Variants in PARVA observed in about 807,000 individuals in gnomAD.
The protein encoded by PARVA is alpha-parvin.
In PARVA, 25 loss-of-function variants were observed where a neutral mutation model predicts 52.6. That is an observed-to-expected ratio of 0.48 (90% CI 0.35 to 0.66). The LOEUF (loss-of-function observed/expected upper bound fraction) is 0.66, where lower values mean the gene tolerates loss of function less well. Among genes scored for constraint, PARVA ranks in the 30% least tolerant of loss-of-function variants. The pLI is 0.01. For missense variants in PARVA, 373 were observed against 450.9 expected, an observed-to-expected ratio of 0.83 and a Z score of 1.56; for synonymous variants, 185 against 179.1, an observed-to-expected ratio of 1.03 and a Z score of -0.26.
chr11:12,481,615 T>C (rs932043432), intron 4 of PARVA, among the ~76,000 whole-genome samples: 2 of 152,212 alleles, frequency 1.3e-5, no homozygotes, highest in African/African-American at 2.4e-5. Flanking sequence ...ACTTGTTGTC[T>C]GCAGCATAAA....
chr11:12,411,373 T>C (rs1347887407), intron 1 of PARVA, among the ~76,000 whole-genome samples: 1 of 152,216 alleles, frequency 6.6e-6, no homozygotes, highest in Admixed American at 6.5e-5. Context: ...ACATTGTACA[T>C]TGGTATGGTA....
At chr11:12,414,455 A>G (rs1228782692) in intron 1 of PARVA, among the ~76,000 whole-genome samples, 1 of 152,208 alleles carries the variant, frequency 6.6e-6, no homozygotes, top group Non-Finnish European at 1.5e-5. Flanking sequence ...AAATTCTTTC[A>G]TCTTTCAGCG....
upstream of PARVA, chr11:12,377,561 C>G (rs1939410992): frequency 6.7e-7 from 1 of 1,487,168 alleles, no homozygotes; most frequent in Admixed American, 2.3e-5. Flanking sequence ...GTTTGGAAAG[C>G]CGCAGCCTCA....
intron 6 of PARVA, among the ~76,000 whole-genome samples, chr11:12,507,231 G>A (rs1042405574): frequency 3.9e-5 from 6 of 152,194 alleles, no homozygotes; most frequent in African/African-American, 1.4e-4. Flanking sequence ...GCTCAGATGA[G>A]CCACCCAAGT....
intron 1 of PARVA, among the ~76,000 whole-genome samples, chr11:12,417,792 C>T (rs553449055): frequency 9.2e-5 from 14 of 152,148 alleles, no homozygotes; most frequent in Non-Finnish European, 1.6e-4. Context: ...GTCCTCAGGG[C>T]CCCCCGGGTG....
intron 1 of PARVA, among the ~76,000 whole-genome samples, chr11:12,390,588 C>G (rs1190326998): frequency 6.6e-6 from 1 of 152,156 alleles, no homozygotes; most frequent in East Asian, 1.9e-4. Context: ...GCTGTAGTCT[C>G]TATGTGGAAT....
chr11:12,476,510 A>AT (rs1316685875), intron 3 of PARVA, among the ~76,000 whole-genome samples: 6 of 151,902 alleles, frequency 3.9e-5, no homozygotes. Flanking sequence ...AAAAAAAAAA[A>AT]GTCTCCTCAA....
intron 5 of PARVA, among the ~76,000 whole-genome samples, 154 bp from the exon 6 acceptor site, chr11:12,504,160 C>G (rs553046512): frequency 6.6e-6 from 1 of 152,308 alleles, no homozygotes; most frequent in South Asian, 2.1e-4. Context: ...CAGGCCCCAC[C>G]TCCAACACCG....
chr11:12,495,147 T>A (rs11022374), intron 4 of PARVA, among the ~76,000 whole-genome samples: 63,732 of 152,042 alleles, frequency 0.42, 13,981 homozygotes, highest in East Asian at 0.67. Context: ...ACATTTAGAT[T>A]TATTCTTGTT....
At chr11:12,423,182 ATTT>A (rs34667589) in intron 1 of PARVA, among the ~76,000 whole-genome samples, 8 of 132,908 alleles carry the variant, frequency 6.0e-5, no homozygotes, top group African/African-American at 8.5e-5. Context: ...CATTAAGGAG[ATTT>A]TTTTTTTTTT....
intron 1 of PARVA, among the ~76,000 whole-genome samples, chr11:12,434,722 A>T (rs562269632): frequency 6.6e-6 from 1 of 152,184 alleles, no homozygotes; most frequent in South Asian, 2.1e-4. Flanking sequence ...CAGCCTGGTT[A>T]TCTGTTGATT....
rs373012832 is a variant in PARVA, at chr11:12,448,224, T to C, written c.137-25521T>C. On this transcript the variant is annotated intron_variant, in intron 1 of 12. Coordinates refer to ENST00000334956, the MANE Select transcript of PARVA (RefSeq NM_018222.5). ...ATGGAATGAGGAAGGCGGGGGGTCATAGAGATCTGACCCTTCTGCCAGGCT... is the reference window on the plus strand; with the variant it reads ...ATGGAATGAGGAAGGCGGGGGGTCACAGAGATCTGACCCTTCTGCCAGGCT... Among the ~76,000 whole-genome samples, 23 of 152,288 alleles carry C rather than the reference T, an allele frequency of 1.5e-4. No individual in the cohort carries two copies. In the East Asian group the frequency reaches 4.4e-3, roughly 29 times the overall value.
chr11:12,475,211 G>C (rs1487554836), intron 3 of PARVA, among the ~76,000 whole-genome samples: 2 of 152,208 alleles, frequency 1.3e-5, no homozygotes, highest in Non-Finnish European at 2.9e-5. Flanking sequence ...CACCGCCAAA[G>C]CCTGGCTAAT....
intron 1 of PARVA, among the ~76,000 whole-genome samples, chr11:12,416,697 A>C (rs1481233819): frequency 6.6e-6 from 1 of 151,880 alleles, no homozygotes; most frequent in Non-Finnish European, 1.5e-5. Flanking sequence ...ACAATTTTAC[A>C]AAGAAAGGGA....
At chr11:12,515,718 C>G (rs970555751) in intron 10 of PARVA, among the ~76,000 whole-genome samples, 3 of 152,202 alleles carry the variant, frequency 2.0e-5, no homozygotes, top group African/African-American at 4.8e-5. Context: ...TCAGCTCCCA[C>G]CAGAAGGGCC....
chr11:12,426,659 G>A (rs1940239019), intron 1 of PARVA, among the ~76,000 whole-genome samples: 1 of 152,176 alleles, frequency 6.6e-6, no homozygotes, highest in Non-Finnish European at 1.5e-5. Flanking sequence ...GCCCAGAGAT[G>A]TTAAGCAACT....
chr11:12,508,838 G>A (rs1941467673), intron 7 of PARVA, among the ~76,000 whole-genome samples, 196 bp downstream of exon 7: 1 of 152,128 alleles, frequency 6.6e-6, no homozygotes, highest in African/African-American at 2.4e-5. Context: ...ACTTGGGTGG[G>A]GAAGTAGGGA....
intron 1 of PARVA, among the ~76,000 whole-genome samples, chr11:12,468,840 C>G (rs1419930187): frequency 6.6e-6 from 1 of 152,148 alleles, no homozygotes; most frequent in African/African-American, 2.4e-5. Context: ...AGAAGGTTGC[C>G]TTTTCTTCCT....
At chr11:12,471,596 A>AAC (rs57820312) in intron 1 of PARVA, among the ~76,000 whole-genome samples, 146,275 of 152,148 alleles carry the variant, frequency 0.96, 70,607 homozygotes, top group East Asian at 1. Flanking sequence ...TTAGCAAACT[A>AAC]ACAGGAGCAG....
Sources: gnomAD v4.1 joint callset for allele counts (sites outside exome capture counted in the v4.1 genomes callset) on GRCh38, gnomAD v4.1.1 for gene constraint, MANE v1.5 for transcripts, NCBI Gene and HGNC (gene_info 2026-07-23, HGNC 2026-07-21) for gene names.